Variants in CEP63 observed in about 807,000 individuals in gnomAD.
CEP63 encodes centrosomal protein of 63 kDa.
CEP63 carries 84 observed loss-of-function variants against 89.1 expected under a neutral mutation model. The ratio of observed to expected loss-of-function variants is 0.94; its 90% CI spans 0.79 to 1.13. CEP63 has a LOEUF of 1.13. Among genes scored for constraint, CEP63 ranks in the 50% most tolerant of loss-of-function variants. The pLI, the probability that CEP63 is intolerant of heterozygous loss-of-function variation, is 0.00. For missense variants in CEP63, 838 were observed against 813.3 expected (o/e 1.03, Z -0.37); for synonymous variants, 267 against 272.5 (o/e 0.98, Z 0.20).
the CEP63 span, among the ~76,000 whole-genome samples, chr3:134,704,779 G>A: frequency 2.6e-5 from 4 of 152,370 alleles, no homozygotes; most frequent in South Asian, 8.3e-4. Flanking sequence ...GCTGGGACTT[G>A]CTCTTGGGCT....
rs529891982 is a variant in CEP63, at chr3:134,562,012, C to T, written c.*477C>T. The T allele has an allele frequency of 9.9e-6, 10 of 1,011,790 alleles. No individual in the cohort carries two copies. In the Admixed American group the frequency reaches 1.6e-4, roughly 16 times the overall value. 62.7% of individuals were successfully genotyped at this position (1,011,790 alleles called of 1,614,324 possible). A position where few individuals can be genotyped will look rare whatever the true frequency, so the allele number is the denominator to read the frequency against. On this transcript the variant is annotated 3_prime_UTR_variant, in exon 15 of 15. Coordinates refer to ENST00000675561, the MANE Select transcript of CEP63 (RefSeq NM_001353108.3). ...GCTTGTTATTTACTGGGCTGGTAGC[C>T]CCTCCTAGCCAAGGGGCTGGTAGTG...
intron 2 of CEP63, among the ~76,000 whole-genome samples, chr3:134,497,193 C>T (rs1376724050): frequency 2.0e-5 from 3 of 152,126 alleles, no homozygotes; most frequent in African/African-American, 4.8e-5. Context: ...GAATAGTTTG[C>T]AAATATTTTC....
the CEP63 span, among the ~76,000 whole-genome samples, chr3:134,743,996 C>T: frequency 6.6e-6 from 1 of 152,190 alleles, no homozygotes; most frequent in African/African-American, 2.4e-5. Flanking sequence ...TCTGTTGGAC[C>T]ATGCTGAACT....
At chr3:134,624,063 TCATATCCC>T in the CEP63 span, among the ~76,000 whole-genome samples, 30 of 152,192 alleles carry the variant, frequency 2.0e-4, 1 homozygote, top group South Asian at 6.0e-3. Context: ...CTAGAGCCCC[TCATATCCC>T]AAACACACTC....
rs56200311 is a variant in CEP63, at chr3:134,494,092, ATATTTATTTATTTATTTATT to A, written c.-25-1182_-25-1163del. ...CATGGTGTATCTTACCCTTTATTTT[ATATTTATTTATTTATTTATT>A]TATTTATTTATTTATTTATTTGAGA... is the stretch of plus-strand genomic sequence containing the variant. On this transcript the variant is annotated intron_variant, in intron 1 of 14. Transcript: ENST00000675561. 1.1e-3 allele frequency among the ~76,000 whole-genome samples: 155 copies of A among 143,596 alleles called. 3 individuals carry two copies. Among genetic ancestry groups the A allele is most frequent in the East Asian group, 9.9e-3 (49 of 4,956 alleles). 94.2% of individuals were successfully genotyped at this position (143,596 alleles called of 152,430 possible).
At chr3:134,647,536 G>A in the CEP63 span, 4 of 1,295,478 alleles carry the variant, frequency 3.1e-6, no homozygotes, top group Middle Eastern at 1.9e-4. Context: ...GGAGACTCAG[G>A]GCAAAAGAGT....
the CEP63 span, among the ~76,000 whole-genome samples, chr3:134,692,053 C>T: frequency 2.0e-5 from 3 of 151,988 alleles, no homozygotes; most frequent in African/African-American, 7.3e-5. Context: ...GTGTTTGGTG[C>T]CTTGATTTCC....
At position 134,562,355 on chromosome 3, in the gene CEP63, C is replaced by A; in HGVS notation, c.*820C>A. ...GCTGGGTTTGGGGCCCTGAAAGATGCCAGCATCTGAGGATCACAGGAAATA... is the reference window on the plus strand; with the variant it reads ...GCTGGGTTTGGGGCCCTGAAAGATGACAGCATCTGAGGATCACAGGAAATA... On this transcript the variant is annotated 3_prime_UTR_variant, in exon 15 of 15. Coordinates refer to ENST00000675561, the MANE Select transcript of CEP63 (RefSeq NM_001353108.3). 3.3e-6 allele frequency: 1 copy of A among 304,142 alleles called. No individual in the cohort carries two copies. Among genetic ancestry groups the A allele is most frequent in the Non-Finnish European group, 4.8e-6 (1 of 206,932 alleles). 18.8% of individuals were successfully genotyped at this position (304,142 alleles called of 1,614,324 possible). A position where few individuals can be genotyped will look rare whatever the true frequency, so the allele number is the denominator to read the frequency against.
At chr3:134,655,055 C>T in the CEP63 span, among the ~76,000 whole-genome samples, 2 of 152,198 alleles carry the variant, frequency 1.3e-5, no homozygotes, top group Admixed American at 6.5e-5. Flanking sequence ...ATGTACTTAA[C>T]CTCTCCGAGC....
the CEP63 span, among the ~76,000 whole-genome samples, chr3:134,652,824 C>G: frequency 6.6e-6 from 1 of 152,196 alleles, no homozygotes; most frequent in African/African-American, 2.4e-5. Context: ...TGTCTAACTC[C>G]TTCAAGTGTC....
chr3:134,665,314 A>C, the CEP63 span, among the ~76,000 whole-genome samples: 1 of 152,134 alleles, frequency 6.6e-6, no homozygotes, highest in Non-Finnish European at 1.5e-5. Context: ...ACTGCATGCA[A>C]GGCTCCTCCC....
chr3:134,577,207 C>T (rs1307651009), downstream of CEP63, among the ~76,000 whole-genome samples: 1 of 151,650 alleles, frequency 6.6e-6, no homozygotes, highest in Non-Finnish European at 1.5e-5. Flanking sequence ...GCTGTTTTTG[C>T]AATAGAGTGC....
At chr3:134,612,802 G>A in the CEP63 span, among the ~76,000 whole-genome samples, 1 of 98,424 alleles carries the variant, frequency 1.0e-5, no homozygotes, top group East Asian at 4.8e-4. Context: ...TGTGTTGCCT[G>A]CATGCACAGA....
At chr3:134,759,465 A>G in the CEP63 span, among the ~76,000 whole-genome samples, 1 of 152,224 alleles carries the variant, frequency 6.6e-6, no homozygotes, top group African/African-American at 2.4e-5. Flanking sequence ...TAGCATCCCA[A>G]TAATGGGTAA....
chr3:134,706,284 C>T, the CEP63 span, among the ~76,000 whole-genome samples: 2 of 152,102 alleles, frequency 1.3e-5, no homozygotes, highest in African/African-American at 4.8e-5. Context: ...GGTTCTTGGT[C>T]GATCTGTAGG....
At chr3:134,660,348 A>G in the CEP63 span, among the ~76,000 whole-genome samples, 1 of 152,220 alleles carries the variant, frequency 6.6e-6, no homozygotes, top group Non-Finnish European at 1.5e-5. Context: ...ACTGGTTCCT[A>G]ATATGATATG....
At chr3:134,721,360 C>T in the CEP63 span, among the ~76,000 whole-genome samples, 1 of 151,960 alleles carries the variant, frequency 6.6e-6, no homozygotes, top group African/African-American at 2.4e-5. Context: ...TTATTAGTTC[C>T]AGTTGTGTTT....
the CEP63 span, among the ~76,000 whole-genome samples, chr3:134,671,377 T>C: frequency 6.6e-6 from 1 of 152,170 alleles, no homozygotes; most frequent in Non-Finnish European, 1.5e-5. Context: ...TGATCACCTA[T>C]TGGGTACGAT....
At chr3:134,672,067 A>G in the CEP63 span, among the ~76,000 whole-genome samples, 1 of 152,128 alleles carries the variant, frequency 6.6e-6, no homozygotes, top group Non-Finnish European at 1.5e-5. Context: ...AATTTCAAAA[A>G]TGACTCTCCT....
Sources: allele counts gnomAD v4.1 joint callset (sites outside exome capture counted in the v4.1 genomes callset), GRCh38; gene constraint gnomAD v4.1.1; transcripts MANE v1.5; gene names NCBI Gene and HGNC (gene_info 2026-07-23, HGNC 2026-07-21).